Variants in CFAP46 observed in about 807,000 individuals in gnomAD.
CFAP46 encodes cilia- and flagella-associated protein 46.
Under a neutral mutation model 325.7 loss-of-function variants are expected in CFAP46, and 245 were observed. The observed-to-expected ratio is 0.75, with a 90% confidence interval of 0.68 to 0.84. The LOEUF (loss-of-function observed/expected upper bound fraction) is 0.84, where lower values mean the gene tolerates loss of function less well. CFAP46 is among the 40% of genes least tolerant of loss of function. The probability of loss-of-function intolerance (pLI) is 0.00; values close to 1 mark genes in which losing one functional copy is unlikely to be tolerated. For missense variants in CFAP46, 3,346 were observed against 3,543.0 expected (o/e 0.94, Z 1.41); for synonymous variants, 1,523 against 1,495.9 (o/e 1.02, Z -0.42).
At position 132,808,550 on chromosome 10, in the gene CFAP46, C is replaced by T; in HGVS notation, c.8019G>A (p.Trp2673Ter). Residue 2673 changes from tryptophan (W) to a stop codon, truncating the protein, a stop_gained, in exon 58 of 58, where the codon TGG (tryptophan) becomes TGA (stop). Coordinates refer to ENST00000368586, the MANE Select transcript of CFAP46 (RefSeq NM_001200049.3). LOFTEE classifies it low-confidence loss of function (END_TRUNC). The surrounding 1 kb of genome is among the most constrained non-coding windows in gnomAD (Gnocchi z 6.8). Reference sequence around the variant, plus strand: ...CGCAGCTCCAGCCCCGACGCAGACCCCATGGCGCACACAGGCAGGCAGAGC... The same window carrying T: ...CGCAGCTCCAGCCCCGACGCAGACCTCATGGCGCACACAGGCAGGCAGAGC... ...TSSSACLCAP[W>*]GLRRGWSCVS... 6.8e-6 allele frequency: 11 copies of T among 1,613,018 alleles called. No homozygotes were observed. Among genetic ancestry groups the T allele is most frequent in the Non-Finnish European group, 9.3e-6 (11 of 1,179,948 alleles).
chr10:132,929,622 T>A (rs1310307016), intron 9 of CFAP46, 83 bp downstream of exon 9: 2 of 1,326,436 alleles, frequency 1.5e-6, no homozygotes, highest in Non-Finnish European at 2.2e-6. Flanking sequence ...CCTGGTGAAC[T>A]GCTCTTCCTT....
intron 44 of CFAP46, among the ~76,000 whole-genome samples, chr10:132,841,270 C>T (rs1268559794): frequency 6.6e-6 from 1 of 152,204 alleles, no homozygotes; most frequent in African/African-American, 2.4e-5. Context: ...CTGAGACATT[C>T]CCACTTGAAA....
chr10:132,864,604 G>GTT (rs1389082643), intron 35 of CFAP46, among the ~76,000 whole-genome samples: 1 of 100,314 alleles, frequency 1.0e-5, no homozygotes, highest in African/African-American at 4.0e-5. Context: ...GCACACACCT[G>GTT]CCCTCAGTGC....
At chr10:132,941,772 C>T in intron 2 of CFAP46, 50 bp from the exon 3 acceptor site, 1 of 1,609,846 alleles carries the variant, frequency 6.2e-7, no homozygotes, top group Non-Finnish European at 8.5e-7. Context: ...GGGGTGGCCT[C>T]CCTGCCCAGA....
At chr10:132,870,252 T>C (rs1283960287) in intron 32 of CFAP46, among the ~76,000 whole-genome samples, 1 of 152,048 alleles carries the variant, frequency 6.6e-6, no homozygotes, top group Non-Finnish European at 1.5e-5. Flanking sequence ...CGCATTTCTC[T>C]CCCTCCCCTT....
Position 132,876,780 on chromosome 10 carries a change from A to AG in CFAP46, c.4362+31dup, listed in dbSNP as rs1156928605. 6.5e-7 allele frequency: 1 copy of AG among 1,538,198 alleles called. No individual in the cohort carries two copies. The highest frequency in any genetic ancestry group is 1.4e-5 in the African/African-American group (1 of 72,408). On this transcript the variant is annotated intron_variant, in intron 31 of 57. Coordinates refer to ENST00000368586, the MANE Select transcript of CFAP46 (RefSeq NM_001200049.3). This position sits in a 1 kb window ranked among gnomAD's most constrained non-coding sequence, Gnocchi z 4.1. ...TCAAGGGGACACCATGCTGTGACCA[A>AG]GGTCTTGAGCCTTTTCTTTATGTCA...
chr10:132,820,694 CTGA>C (rs1428836349), intron 50 of CFAP46, among the ~76,000 whole-genome samples: 5 of 79,326 alleles, frequency 6.3e-5, no homozygotes, highest in South Asian at 5.4e-4. Context: ...GCTGTGTGTG[CTGA>C]TGTGTGCTGT....
At position 132,913,112 on chromosome 10, in the gene CFAP46, C is replaced by T. The variant is rs1187015997; in HGVS notation, c.2267G>A (p.Arg756Gln). ...NHNHHLILAGRQKELVDALYH... is the reference protein window; with the variant it reads ...NHNHHLILAGQQKELVDALYH... Reference sequence around the variant, plus strand: ...CAGGGCGTCCACCAGCTCCTTCTGCCGCCCGGCCAGGATCAGGTGGTGGTT... The same window carrying T: ...CAGGGCGTCCACCAGCTCCTTCTGCTGCCCGGCCAGGATCAGGTGGTGGTT... Residue 756 changes from arginine (R) to glutamine (Q), a missense_variant, in exon 18 of 58, where the codon CGG becomes CAG. Physicochemically the swap from Arg to Gln is conservative, Grantham distance 43. Coordinates refer to ENST00000368586, the MANE Select transcript of CFAP46 (RefSeq NM_001200049.3). 3.3e-5 allele frequency: 51 copies of T among 1,550,312 alleles called. No homozygotes were observed. The highest frequency in any genetic ancestry group is 3.9e-5 in the Non-Finnish European group (45 of 1,147,018).
chr10:132,908,536 A>G lies in CFAP46; in HGVS notation c.2856T>C (p.His952=). 5 of 1,550,562 alleles carry G rather than the reference A, an allele frequency of 3.2e-6. No homozygotes were observed. The highest frequency in any genetic ancestry group is 4.4e-6 in the Non-Finnish European group (5 of 1,146,994). The stretch of plus-strand genomic sequence containing the variant: ...TGTGAGCACAGGCCATGGTGGTCTC[A>G]TGGTCACGCGCTGCATGGGCGAAGT... ...LTHFAHAARD[H]ETTMACAHRA... is the part of the protein sequence containing the mutation. The change falls in exon 22 of 58, where the codon CAT becomes CAC. Residue 952 remains histidine, a synonymous_variant. Coordinates refer to ENST00000368586, the MANE Select transcript of CFAP46 (RefSeq NM_001200049.3).
rs1281361049 is a variant in CFAP46 at position 132,899,513 on chromosome 10, C to A, written c.3056+22G>T. 4 of 1,536,068 alleles carry A rather than the reference C, an allele frequency of 2.6e-6. No individual in the cohort carries two copies. The South Asian group carries it at 3.7e-5, about 14-fold the overall frequency. ...CGGCCGGGGAGGGACAGAGCCCACC[C>A]CAGCCCCTTAGAGCCACACACCTGG... On this transcript the variant is annotated intron_variant, in intron 23 of 57. Coordinates refer to ENST00000368586, the MANE Select transcript of CFAP46 (RefSeq NM_001200049.3).
intron 50 of CFAP46, among the ~76,000 whole-genome samples, chr10:132,820,857 ATGTGTGCTG>A (rs1170346818): frequency 2.0e-5 from 2 of 99,910 alleles, no homozygotes; most frequent in Non-Finnish European, 3.8e-5. Context: ...GTGTGCGCTG[ATGTGTGCTG>A]TGTGTGCTGA....
At chr10:132,810,872 C>T in intron 56 of CFAP46, 78 bp downstream of exon 56, 1 of 1,349,090 alleles carries the variant, frequency 7.4e-7, no homozygotes, top group Non-Finnish European at 1.0e-6. Context: ...GTCCCTCCTC[C>T]CTTGTGGGTC....
intron 11 of CFAP46, among the ~76,000 whole-genome samples, chr10:132,923,708 T>C (rs1391960605): frequency 6.6e-6 from 1 of 152,148 alleles, no homozygotes; most frequent in Non-Finnish European, 1.5e-5. Context: ...GTTCATTCTG[T>C]GCTGTGGGAA....
chr10:132,842,411 C>T (rs529682314), intron 44 of CFAP46, among the ~76,000 whole-genome samples: 17 of 152,330 alleles, frequency 1.1e-4, no homozygotes, highest in Admixed American at 2.6e-4. Flanking sequence ...GACCACTTAA[C>T]GGATCTCTAA....
rs751021574 is a variant in CFAP46 at position 132,936,970 on chromosome 10, A to G, written c.746T>C (p.Met249Thr). 6.5e-7 allele frequency: 1 copy of G among 1,534,650 alleles called. No individual in the cohort carries two copies. Among genetic ancestry groups the G allele is most frequent in the Non-Finnish European group, 8.8e-7 (1 of 1,130,680 alleles). The stretch of plus-strand genomic sequence containing the variant: ...TCCCAAAACGACTTACGCCTTTAGC[A>G]TATTAATATAGAAAGTGACTGACAG... Reference protein sequence around the residue: ...ISLSVTFYINMLKAKAEQNDL... With the variant: ...ISLSVTFYINTLKAKAEQNDL... Residue 249 changes from methionine to threonine, a missense_variant, in exon 7 of 58, where the codon ATG becomes ACG. Coordinates refer to ENST00000368586, the MANE Select transcript of CFAP46 (RefSeq NM_001200049.3).
Position 132,860,986 on chromosome 10 carries a change from A to C in CFAP46, c.4891-4T>G. ...CTGCACAAGGCTCATCCAGCTCCTG[A>C]AGGAGAGAAACTCAGACATGCTTGG... On this transcript the variant is annotated splice_polypyrimidine_tract_variant and splice_region_variant and intron_variant, in intron 35 of 57. Transcript: ENST00000368586. 6.4e-7 allele frequency: 1 copy of C among 1,550,496 alleles called. No individual in the cohort carries two copies.
Position 132,942,468 on chromosome 10 carries a change from G to GT in CFAP46, c.16dup (p.Thr6AsnfsTer34). 1 of 1,251,076 alleles carries GT rather than the reference G, an allele frequency of 8.0e-7. No individual in the cohort carries two copies. The highest frequency in any genetic ancestry group is 2.1e-5 in the African/African-American group (1 of 47,838). 77.5% of individuals were successfully genotyped at this position (1,251,076 alleles called of 1,614,324 possible). ...GCTCTCGGCGCGGGCCAGCTCCTGC[G>GT]TGATGACCAGGTCCATGGCGCCGGC... On this transcript the variant is annotated frameshift_variant, in exon 1 of 58. Transcript: ENST00000368586. LOFTEE classifies it high-confidence loss of function.
At chr10:132,935,057 C>T (rs1024701077) in intron 7 of CFAP46, among the ~76,000 whole-genome samples, 195 bp from the exon 8 acceptor site, 7 of 152,228 alleles carry the variant, frequency 4.6e-5, no homozygotes, top group Middle Eastern at 6.8e-3. Flanking sequence ...CCATGATGCC[C>T]GGCCTTCCTA....
intron 44 of CFAP46, among the ~76,000 whole-genome samples, chr10:132,845,616 G>T (rs185777294): frequency 6.6e-6 from 1 of 152,334 alleles, no homozygotes; most frequent in East Asian, 1.9e-4. Context: ...CTGCTAATCT[G>T]AACAAAAAGC....
Sources: allele counts gnomAD v4.1 joint callset (sites outside exome capture counted in the v4.1 genomes callset), GRCh38; gene constraint gnomAD v4.1.1; non-coding constraint Gnocchi (gnomAD v3.1); transcripts MANE v1.5; gene names NCBI Gene and HGNC (gene_info 2026-07-23, HGNC 2026-07-21).